Variants in COL5A1 observed in about 807,000 individuals in gnomAD.
The protein encoded by COL5A1 is collagen alpha-1(V) chain.
In COL5A1, 16 loss-of-function variants were observed where a neutral mutation model predicts 263.7. The observed-to-expected ratio is 0.06, with a 90% CI of 0.04 to 0.09. COL5A1 has a LOEUF of 0.09. COL5A1 is among the 10% of genes least tolerant of loss of function. The pLI, the probability that COL5A1 is intolerant of heterozygous loss-of-function variation, is 1.00. For missense variants in COL5A1, 2,036 were observed against 2,540.5 expected (o/e 0.80, Z 4.27); for synonymous variants, 1,012 against 1,004.5 (o/e 1.01, Z -0.14).
At chr9:134,832,363 G>A (rs190234725) in intron 64 of COL5A1, among the ~76,000 whole-genome samples, 117 of 152,190 alleles carry the variant, frequency 7.7e-4, no homozygotes, top group Admixed American at 2.4e-3. Flanking sequence ...CTGAGATCGC[G>A]CCACTGCACT....
At chr9:134,791,611 A>T (rs1482632482) in intron 32 of COL5A1, among the ~76,000 whole-genome samples, 3 of 151,130 alleles carry the variant, frequency 2.0e-5, no homozygotes, top group Non-Finnish European at 2.9e-5. Context: ...TTGCAAAGGG[A>T]CCCTTCCTCT....
intron 4 of COL5A1, chr9:134,708,779 A>G (rs913680651): frequency 1.1e-5 from 5 of 460,618 alleles, no homozygotes; most frequent in Non-Finnish European, 2.2e-5. Flanking sequence ...GGTGGCAAAC[A>G]GCAGAGATTT....
intron 31 of COL5A1, among the ~76,000 whole-genome samples, chr9:134,786,668 G>C (rs921160572): frequency 1.3e-5 from 2 of 152,156 alleles, no homozygotes; most frequent in Non-Finnish European, 2.9e-5. Flanking sequence ...AAGTGAAACA[G>C]CTCCTTGAGG....
intron 50 of COL5A1, 111 bp from the exon 51 acceptor site, chr9:134,815,465 A>G: frequency 9.2e-7 from 1 of 1,086,162 alleles, no homozygotes; most frequent in Non-Finnish European, 1.4e-6. Context: ...GGAAAGTCTT[A>G]GGAGCTGGAC....
In COL5A1 at chr9:134,712,654, C is replaced by CTCCTTCCTTACCCCT. The variant is rs1834108386; in HGVS notation, c.654+11328_654+11342dup. Among the ~76,000 whole-genome samples the CTCCTTCCTTACCCCT allele has an allele frequency of 2.4e-5, 3 of 126,542 alleles. No individual in the cohort carries two copies. The Admixed American group carries it at 2.5e-4, about 11-fold the overall frequency. The allele number at this position is 126,542 out of a possible 152,430, so 83.0% of individuals were successfully genotyped here. A position where few individuals can be genotyped will look rare whatever the true frequency, so the allele number is the denominator to read the frequency against. ...CTGTTCCCCCTCCTTCCTGTTCCCC[C>CTCCTTCCTTACCCCT]TCCTTCCTTACCCCTTCCTTCTGCC... On this transcript the variant is annotated intron_variant, in intron 4 of 65. Coordinates refer to ENST00000371817, the MANE Select transcript of COL5A1 (RefSeq NM_000093.5).
At chr9:134,805,283 G>C in intron 41 of COL5A1, 69 bp downstream of exon 41, 1 of 1,559,356 alleles carries the variant, frequency 6.4e-7, no homozygotes, top group Non-Finnish European at 8.8e-7. Context: ...GGCAGTCCCC[G>C]AGAGCCCAGA....
chr9:134,788,898 GGGTAGACA>G (rs1405410189), intron 31 of COL5A1, among the ~76,000 whole-genome samples: 1 of 126,082 alleles, frequency 7.9e-6, no homozygotes, highest in Non-Finnish European at 1.7e-5. Flanking sequence ...GTGGGTGGGT[GGGTAGACA>G]GGTAGACGGA....
chr9:134,820,205 C>T lies in COL5A1; in HGVS notation c.4536C>T (p.Ser1512=), dbSNP rs367711669. 5.9e-5 allele frequency: 95 copies of T among 1,613,642 alleles called. No homozygotes were observed. Among genetic ancestry groups the T allele is most frequent in the Non-Finnish European group, 6.3e-5 (74 of 1,179,874 alleles). The change falls in exon 58 of 66, where the codon TCC becomes TCT. Residue 1512 remains serine (S), a synonymous_variant. Transcript: ENST00000371817. ...GTCTCCCTGGCCCCCAGGGCTCCTCCGGTCCTAAGGGAGAACAGGTGCGTG... is the reference window on the plus strand; with the variant it reads ...GTCTCCCTGGCCCCCAGGGCTCCTCTGGTCCTAAGGGAGAACAGGTGCGTG... The part of the protein sequence containing the change: ...DRGLPGPQGS[S]GPKGEQGITG...
At chr9:134,656,168 G>GTGGAGCC (rs1402079540) in intron 1 of COL5A1, among the ~76,000 whole-genome samples, 2 of 152,114 alleles carry the variant, frequency 1.3e-5, no homozygotes, top group Non-Finnish European at 2.9e-5. Flanking sequence ...AGGGTCTGAG[G>GTGGAGCC]TGGAGCCTGG....
At chr9:134,753,219 C>T (rs573508982) in intron 14 of COL5A1, among the ~76,000 whole-genome samples, 1 of 152,352 alleles carries the variant, frequency 6.6e-6, no homozygotes, top group East Asian at 1.9e-4. Context: ...GCCTCACCCG[C>T]CCCTGCCCTG....
At chr9:134,710,564 GC>G (rs1380728310) in intron 4 of COL5A1, among the ~76,000 whole-genome samples, 3 of 125,686 alleles carry the variant, frequency 2.4e-5, no homozygotes, top group Non-Finnish European at 3.5e-5. Flanking sequence ...TGGTGGGGGG[GC>G]CCCATTTGTT....
At chr9:134,650,284 A>G (rs56361301) in intron 1 of COL5A1, among the ~76,000 whole-genome samples, 31,469 of 152,074 alleles carry the variant, frequency 0.21, 4,026 homozygotes, top group African/African-American at 0.35. Flanking sequence ...GTGAGAACAC[A>G]TGAGCATCGT....
At chr9:134,712,363 C>T (rs140944280) in intron 4 of COL5A1, among the ~76,000 whole-genome samples, 1,677 of 94,802 alleles carry the variant, frequency 0.018, 35 homozygotes, top group Non-Finnish European at 0.025. Context: ...CTGTCCCCTC[C>T]TTCCTTCTTC....
chr9:134,831,577 G>A (rs546216576), intron 64 of COL5A1, among the ~76,000 whole-genome samples: 5 of 152,316 alleles, frequency 3.3e-5, no homozygotes, highest in Admixed American at 2.6e-4. Flanking sequence ...GCAAGGAAGG[G>A]GCCCTGGGGG....
At chr9:134,733,139 G>T (rs566917558) in intron 9 of COL5A1, among the ~76,000 whole-genome samples, 2 of 152,204 alleles carry the variant, frequency 1.3e-5, no homozygotes, top group African/African-American at 4.8e-5. Context: ...CCTGAGGGCT[G>T]AGCTCAGGAT....
chr9:134,643,579 G>GAGGAGCC (rs1008146084), intron 1 of COL5A1, among the ~76,000 whole-genome samples: 11 of 152,278 alleles, frequency 7.2e-5, no homozygotes, highest in African/African-American at 2.2e-4. Flanking sequence ...GGCTCTGGGG[G>GAGGAGCC]AGGAGCCAGG....
chr9:134,720,491 T>C (rs576878386), intron 4 of COL5A1, among the ~76,000 whole-genome samples: 1 of 152,220 alleles, frequency 6.6e-6, no homozygotes, highest in East Asian at 1.9e-4. Context: ...GAAGTCGTGA[T>C]CCTAGCTTTG....
intron 1 of COL5A1, among the ~76,000 whole-genome samples, chr9:134,670,915 T>A (rs1470590314): frequency 1.3e-5 from 2 of 152,136 alleles, no homozygotes; most frequent in South Asian, 2.1e-4. Flanking sequence ...ACTAAACGCA[T>A]GTGCCTGGGC....
intron 38 of COL5A1, 137 bp downstream of exon 38, chr9:134,802,144 A>G (rs1479193976): frequency 1.1e-6 from 1 of 889,078 alleles, no homozygotes; most frequent in Non-Finnish European, 1.8e-6. Context: ...TTAGGTCCTG[A>G]ATGTTGGTCA....
Sources: gnomAD v4.1 joint callset for allele counts (sites outside exome capture counted in the v4.1 genomes callset) on GRCh38, gnomAD v4.1.1 for gene constraint, MANE v1.5 for transcripts, NCBI Gene and HGNC (gene_info 2026-07-23, HGNC 2026-07-21) for gene names.